CPAP: variants seen among roughly 807,000 people sequenced by gnomAD.
The protein encoded by CPAP is centrosome assembly and centriole elongation protein.
At chr13:24,884,140 G>C in the CPAP span, 6 of 1,540,988 alleles carry the variant, frequency 3.9e-6, no homozygotes, top group Non-Finnish European at 5.4e-6. Flanking sequence ...AATTTAATGA[G>C]AGGGTGGAGC....
the CPAP span, chr13:24,892,566 T>C: frequency 1.7e-6 from 2 of 1,163,442 alleles, no homozygotes; most frequent in Non-Finnish European, 2.6e-6. Context: ...CATTCTACTT[T>C]CTGACTCTAT....
At chr13:24,921,319 T>C in the CPAP span, among the ~76,000 whole-genome samples, 1 of 150,806 alleles carries the variant, frequency 6.6e-6, no homozygotes, top group Non-Finnish European at 1.5e-5. Context: ...GAGCGACAGA[T>C]ATAACAATTC....
At chr13:24,912,950 G>C in the CPAP span, 1 of 1,614,138 alleles carries the variant, frequency 6.2e-7, no homozygotes, top group Non-Finnish European at 8.5e-7. Flanking sequence ...ACCCCAGCCC[G>C]AGAAGGATTG....
At chr13:24,899,334 T>G in the CPAP span, 17 of 1,081,734 alleles carry the variant, frequency 1.6e-5, no homozygotes, top group South Asian at 2.3e-4. Context: ...ACAGTTTTGC[T>G]TTGACATAAG....
the CPAP span, chr13:24,912,819 A>G: frequency 6.2e-7 from 1 of 1,614,202 alleles, no homozygotes; most frequent in Non-Finnish European, 8.5e-7. Context: ...AATCTTCTTC[A>G]TTTATAAAGC....
the CPAP span, among the ~76,000 whole-genome samples, chr13:24,931,446 G>C: frequency 1.2e-4 from 18 of 151,818 alleles, no homozygotes; most frequent in Non-Finnish European, 2.1e-4. Context: ...CTATAGAGTA[G>C]GTTGTAATTA....
chr13:24,892,731 T>A, the CPAP span: 1 of 1,614,126 alleles, frequency 6.2e-7, no homozygotes, highest in South Asian at 1.1e-5. Flanking sequence ...TTCCATCACT[T>A]TTATTTCTTC....
chr13:24,910,448 C>T, the CPAP span, among the ~76,000 whole-genome samples: 1 of 152,208 alleles, frequency 6.6e-6, no homozygotes, highest in Non-Finnish European at 1.5e-5. Flanking sequence ...TGGTCTTGAA[C>T]TCCGGACCTC....
the CPAP span, chr13:24,885,474 C>A: frequency 3.4e-6 from 4 of 1,187,906 alleles, no homozygotes; most frequent in African/African-American, 4.5e-5. Context: ...CTAGTGTTTA[C>A]AAAATATAAC....
the CPAP span, among the ~76,000 whole-genome samples, chr13:24,896,611 C>T: frequency 3.3e-5 from 5 of 152,310 alleles, no homozygotes; most frequent in East Asian, 7.7e-4. Flanking sequence ...AGAAAACCCA[C>T]GTTATTCATC....
the CPAP span, among the ~76,000 whole-genome samples, chr13:24,907,640 T>C: frequency 4.0e-5 from 6 of 151,824 alleles, no homozygotes; most frequent in African/African-American, 1.4e-4. Flanking sequence ...AAATACTTAA[T>C]CTTTGCCATA....
At chr13:24,905,858 C>A in the CPAP span, 18 of 1,614,066 alleles carry the variant, frequency 1.1e-5, no homozygotes. Context: ...ATCCTCTCTG[C>A]TGCTGATGCC....
At chr13:24,907,416 C>G in the CPAP span, among the ~76,000 whole-genome samples, 4 of 152,182 alleles carry the variant, frequency 2.6e-5, no homozygotes, top group Non-Finnish European at 5.9e-5. Flanking sequence ...AAGAACCCTT[C>G]TGAAGTCCAT....
the CPAP span, chr13:24,892,810 AT>A: frequency 6.2e-7 from 1 of 1,613,076 alleles, no homozygotes; most frequent in Non-Finnish European, 8.5e-7. Context: ...GTACTTGACC[AT>A]TTGGTTTCCT....
the CPAP span, chr13:24,933,194 AG>A: frequency 7.8e-7 from 1 of 1,278,474 alleles, no homozygotes; most frequent in Non-Finnish European, 1.1e-6. Flanking sequence ...AGGGAACAAC[AG>A]GGTCATGGTT....
the CPAP span, among the ~76,000 whole-genome samples, chr13:24,916,006 G>C: frequency 2.6e-5 from 4 of 152,230 alleles, no homozygotes; most frequent in Admixed American, 2.6e-4. Flanking sequence ...TGAGGGCAGG[G>C]ACAGCAAAAC....
At chr13:24,930,039 T>C in the CPAP span, among the ~76,000 whole-genome samples, 1 of 151,234 alleles carries the variant, frequency 6.6e-6, no homozygotes, top group African/African-American at 2.4e-5. Context: ...GCCTCCTGAG[T>C]AGCTACAGCC....
At chr13:24,909,993 T>A in the CPAP span, 20 of 1,614,142 alleles carry the variant, frequency 1.2e-5, no homozygotes, top group Non-Finnish European at 1.7e-5. Flanking sequence ...CGGGTAGACA[T>A]ATGATGGGAA....
At chr13:24,886,312 TG>T in the CPAP span, 1 of 1,289,190 alleles carries the variant, frequency 7.8e-7, no homozygotes, top group Admixed American at 2.3e-5. Flanking sequence ...TACGGGAGAA[TG>T]GCCTGAAGGA....
Sources: gnomAD v4.1 joint callset for allele counts (sites outside exome capture counted in the v4.1 genomes callset) on GRCh38, gnomAD v4.1.1 for gene constraint, MANE v1.5 for transcripts, NCBI Gene and HGNC (gene_info 2026-07-23, HGNC 2026-07-21) for gene names.